Variants in CC2D2A observed in about 807,000 individuals in gnomAD.
The protein encoded by CC2D2A is coiled-coil and C2 domain-containing protein 2A.
CC2D2A carries 155 observed loss-of-function variants against 212.9 expected under a neutral mutation model. The observed-to-expected ratio is 0.73, with a 90% CI of 0.64 to 0.83. The LOEUF (loss-of-function observed/expected upper bound fraction) is 0.83. Ranked by LOEUF, CC2D2A falls within the 40% of genes least tolerant of loss-of-function variation. The probability of loss-of-function intolerance (pLI) is 0.00; values close to 1 mark genes in which losing one functional copy is unlikely to be tolerated. For missense variants in CC2D2A, 1,856 were observed against 1,956.2 expected (o/e 0.95, Z 0.97); for synonymous variants, 667 against 686.5 (o/e 0.97, Z 0.44).
intron 19 of CC2D2A, among the ~76,000 whole-genome samples, chr4:15,554,673 C>CA (rs966187535): frequency 5.3e-5 from 8 of 151,620 alleles, no homozygotes; most frequent in Non-Finnish European, 5.9e-5. Context: ...AAGACTGTCT[C>CA]AAAAAAAAGA....
intron 13 of CC2D2A, among the ~76,000 whole-genome samples, chr4:15,529,562 A>C (rs1054674727): frequency 6.6e-6 from 1 of 152,192 alleles, no homozygotes; most frequent in African/African-American, 2.4e-5. Flanking sequence ...GCTTCTTTAT[A>C]TACAATGCAT....
intron 4 of CC2D2A, among the ~76,000 whole-genome samples, chr4:15,500,402 A>G (rs1359718019): frequency 6.6e-6 from 1 of 152,102 alleles, no homozygotes; most frequent in African/African-American, 2.4e-5. Context: ...ATAATCTACC[A>G]TAGTTATATT....
intron 5 of CC2D2A, 24 bp downstream of exon 5, chr4:15,502,541 C>A: frequency 6.4e-7 from 1 of 1,560,402 alleles, no homozygotes; most frequent in Non-Finnish European, 8.7e-7. Context: ...CATGAATATT[C>A]TGTTCAGTGC....
At chr4:15,490,227 C>T (rs4423869) in intron 4 of CC2D2A, among the ~76,000 whole-genome samples, 113,157 of 152,138 alleles carry the variant, frequency 0.74, 43,338 homozygotes, top group Non-Finnish European at 0.84. Context: ...TATAAACATG[C>T]AATATCAAAC....
chr4:15,522,262 A>C (rs1347275818), intron 11 of CC2D2A, among the ~76,000 whole-genome samples: 1 of 152,160 alleles, frequency 6.6e-6, no homozygotes, highest in East Asian at 1.9e-4. Context: ...AAGAAAACAA[A>C]AGTTGGCATT....
chr4:15,601,340 T>G lies in CC2D2A; in HGVS notation c.4778T>G (p.Phe1593Cys). ...AATATTGATGTTCCTAATGTTGAAT[T>G]TGCTTTAGCTGTATACATACACCCA... is the stretch of plus-strand genomic sequence containing the variant. ...VHNIDVPNVE[F>C]ALAVYIHPYP... is the part of the protein sequence containing the mutation. The change falls in exon 37 of 37, where the codon TTT becomes TGT. Residue 1593 changes from phenylalanine to cysteine, a missense_variant. Around this residue, in one of 5 missense-constraint regions of CC2D2A, gnomAD observed 285 missense variants for 278.4 expected, o/e 1.02. Transcript: ENST00000424120. 1.2e-6 allele frequency: 2 copies of G among 1,610,366 alleles called. No homozygotes were observed. The highest frequency in any genetic ancestry group is 1.7e-6 in the Non-Finnish European group (2 of 1,177,872).
chr4:15,522,191 A>G (rs532953912), intron 11 of CC2D2A, among the ~76,000 whole-genome samples: 1 of 152,300 alleles, frequency 6.6e-6, no homozygotes, highest in South Asian at 2.1e-4. Flanking sequence ...ACAGAGCGAG[A>G]CCTTGTCTCT....
chr4:15,540,229 A>G (rs929578209), intron 16 of CC2D2A, among the ~76,000 whole-genome samples: 8 of 151,718 alleles, frequency 5.3e-5, no homozygotes, highest in Non-Finnish European at 1.2e-4. Context: ...AATAACTGGC[A>G]TTTTTTGGTG....
intron 24 of CC2D2A, among the ~76,000 whole-genome samples, chr4:15,565,975 C>T (rs1252191430): frequency 2.0e-5 from 3 of 152,114 alleles, no homozygotes; most frequent in African/African-American, 7.2e-5. Context: ...TTCTATGGTA[C>T]CTGTTGCATT....
At chr4:15,548,313 G>C (rs1420651536) in intron 17 of CC2D2A, among the ~76,000 whole-genome samples, 1 of 152,018 alleles carries the variant, frequency 6.6e-6, no homozygotes. Context: ...TAGGAATGTG[G>C]CTCCAGAAAC....
rs117667651 is a variant in CC2D2A, at chr4:15,597,398, C to A, written c.4438-9C>A. On this transcript the variant is annotated splice_polypyrimidine_tract_variant and intron_variant, in intron 34 of 36. Coordinates refer to ENST00000424120, the MANE Select transcript of CC2D2A (RefSeq NM_001378615.1). ...TTTTATACTTTCTGAACTATTTTCT[C>A]TTCTATAGCCTGAAGAGCTAATTTA... 5.1e-4 allele frequency: 783 copies of A among 1,546,552 alleles called. 2 individuals carry two copies. The East Asian group carries it at 0.012, about 24-fold the overall frequency.
At chr4:15,557,908 C>T (rs112778011) in intron 21 of CC2D2A, among the ~76,000 whole-genome samples, 3 of 152,226 alleles carry the variant, frequency 2.0e-5, no homozygotes, top group African/African-American at 7.2e-5. Context: ...GTACTCAGCA[C>T]ACTGGTAAAG....
intron 13 of CC2D2A, among the ~76,000 whole-genome samples, chr4:15,530,051 A>C (rs1717757266): frequency 6.6e-6 from 1 of 151,670 alleles, no homozygotes; most frequent in Non-Finnish European, 1.5e-5. Flanking sequence ...GGCTCACTGC[A>C]AGCTCCGCCT....
At position 15,563,454 on chromosome 4, in the gene CC2D2A, T is replaced by C. The variant is rs781371086; in HGVS notation, c.3114T>C (p.Asp1038=). ...RKKVTAQNLS[D]GDIKLLVNIV... ...AGGTGACAGCCCAAAACCTGTCTGA[T>C]GGAGACATAAAGCTGCTGGTGAACA... The change falls in exon 24 of 37, where the codon GAT becomes GAC. Residue 1038 remains aspartate, a synonymous_variant. Coordinates refer to ENST00000424120, the MANE Select transcript of CC2D2A (RefSeq NM_001378615.1). 19 of 1,612,018 alleles carry C rather than the reference T, an allele frequency of 1.2e-5. No homozygotes were observed. The highest frequency in any genetic ancestry group is 3.3e-5 in the Admixed American group (2 of 59,746).
intron 33 of CC2D2A, among the ~76,000 whole-genome samples, chr4:15,593,182 G>A (rs1297205779): frequency 1.3e-5 from 2 of 152,186 alleles, no homozygotes; most frequent in Non-Finnish European, 2.9e-5. Flanking sequence ...ACAGATTTAA[G>A]AGTAAACTTT....
rs369141742 is a variant in CC2D2A, at chr4:15,591,529, A to AT, written c.4314+1858dup. Among the ~76,000 whole-genome samples the AT allele has an allele frequency of 3.1e-3, 477 of 151,972 alleles. 4 individuals carry two copies. Among genetic ancestry groups the AT allele is most frequent in the African/African-American group, 5.1e-3 (212 of 41,476 alleles). ...CCACCGTGCCCAGCCCCATCAACCT[A>AT]TTTTTTTTAAGCATTACTGCTAAAA... On this transcript the variant is annotated intron_variant, in intron 33 of 36. Coordinates refer to ENST00000424120, the MANE Select transcript of CC2D2A (RefSeq NM_001378615.1).
chr4:15,545,815 G>T (rs544511488), intron 17 of CC2D2A, among the ~76,000 whole-genome samples: 1 of 152,184 alleles, frequency 6.6e-6, no homozygotes, highest in East Asian at 1.9e-4. Context: ...AAAAAGGGGA[G>T]AATCAGAGTT....
At chr4:15,496,580 C>T (rs1014600195) in intron 4 of CC2D2A, among the ~76,000 whole-genome samples, 2 of 152,034 alleles carry the variant, frequency 1.3e-5, no homozygotes, top group Non-Finnish European at 2.9e-5. Flanking sequence ...TATCTCTCTT[C>T]GCAAGCGATA....
chr4:15,565,669 G>A (rs1025436361), intron 24 of CC2D2A, among the ~76,000 whole-genome samples: 1 of 152,100 alleles, frequency 6.6e-6, no homozygotes, highest in African/African-American at 2.4e-5. Context: ...GTGCAGTGGT[G>A]CAATCACAGC....
Sources: allele counts gnomAD v4.1 joint callset (sites outside exome capture counted in the v4.1 genomes callset), GRCh38; gene constraint gnomAD v4.1.1; regional missense constraint gnomAD v4.1.1; transcripts MANE v1.5; gene names NCBI Gene and HGNC (gene_info 2026-07-23, HGNC 2026-07-21).